LMO7: variants seen among roughly 807,000 people sequenced by gnomAD.
The protein encoded by LMO7 is LIM domain only protein 7.
In LMO7, 120 loss-of-function variants were observed where a neutral mutation model predicts 206.5. The observed-to-expected ratio is 0.58, with a 90% CI of 0.50 to 0.68. The LOEUF (loss-of-function observed/expected upper bound fraction) is 0.68. LMO7 is among the 30% of genes least tolerant of loss of function. The pLI, the probability that LMO7 is intolerant of heterozygous loss-of-function variation, is 0.00. For missense variants in LMO7, 1,959 were observed against 1,957.9 expected (o/e 1.00, Z -0.01); for synonymous variants, 706 against 681.5 (o/e 1.04, Z -0.56).
intron 29 of LMO7, among the ~76,000 whole-genome samples, chr13:75,855,627 T>A (rs1032811090): frequency 1.3e-5 from 2 of 152,250 alleles, no homozygotes; most frequent in African/African-American, 4.8e-5. Context: ...GTACATAAGT[T>A]GCTTTCTCTA....
intron 4 of LMO7, among the ~76,000 whole-genome samples, chr13:75,779,484 T>A (rs954918483): frequency 2.0e-5 from 3 of 152,214 alleles, no homozygotes; most frequent in Admixed American, 1.3e-4. Flanking sequence ...ACTTGAAAGT[T>A]AACTGAATGT....
At chr13:75,761,564 T>C (rs2048227202) in intron 4 of LMO7, among the ~76,000 whole-genome samples, 1 of 152,156 alleles carries the variant, frequency 6.6e-6, no homozygotes, top group Non-Finnish European at 1.5e-5. Flanking sequence ...TGAGCTGTTT[T>C]TCACGATTTT....
intron 4 of LMO7, among the ~76,000 whole-genome samples, chr13:75,779,283 C>T (rs1273333941): frequency 1.3e-5 from 2 of 152,056 alleles, no homozygotes; most frequent in Admixed American, 1.3e-4. Flanking sequence ...TGAGAAGTTT[C>T]CTGGGAAGTA....
intron 1 of LMO7, among the ~76,000 whole-genome samples, chr13:75,701,869 G>A (rs2137913745): frequency 1.3e-5 from 2 of 152,204 alleles, no homozygotes. Context: ...ATAGGACTCA[G>A]GTTGTCTTGG....
At chr13:75,764,309 C>G (rs866611308) in intron 4 of LMO7, among the ~76,000 whole-genome samples, 1 of 152,084 alleles carries the variant, frequency 6.6e-6, no homozygotes, top group Admixed American at 6.6e-5. Context: ...CATTCTTAAC[C>G]ATTTACTAAA....
intron 4 of LMO7, among the ~76,000 whole-genome samples, chr13:75,787,266 AT>A (rs772044441): frequency 2.0e-5 from 3 of 152,210 alleles, no homozygotes; most frequent in Non-Finnish European, 4.4e-5. Context: ...GCTTTACGTA[AT>A]AACAAGCATT....
At chr13:75,771,783 A>G (rs1190351922) in intron 4 of LMO7, among the ~76,000 whole-genome samples, 4 of 152,110 alleles carry the variant, frequency 2.6e-5, no homozygotes, top group Non-Finnish European at 2.9e-5. Context: ...ATTAAATTTT[A>G]TACAAATAAT....
At chr13:75,621,786 A>G (rs1205845914) in exon 1 of LMO7, 3 of 1,613,462 alleles carry the variant, frequency 1.9e-6, no homozygotes, top group Non-Finnish European at 2.5e-6. Flanking sequence ...GAGCTCTGGA[A>G]ATTTGGAGGC....
At chr13:75,707,036 G>A (rs1299998788) in intron 1 of LMO7, among the ~76,000 whole-genome samples, 2 of 152,018 alleles carry the variant, frequency 1.3e-5, no homozygotes, top group African/African-American at 2.4e-5. Context: ...ACAAAAACTG[G>A]TGTCAGCCTC....
chr13:75,836,896 T>C (rs1354190346), intron 19 of LMO7, among the ~76,000 whole-genome samples: 1 of 152,198 alleles, frequency 6.6e-6, no homozygotes, highest in Non-Finnish European at 1.5e-5. Flanking sequence ...CATTAGCAGA[T>C]GTACCCATTT....
intron 1 of LMO7, among the ~76,000 whole-genome samples, chr13:75,699,251 A>G (rs1216071763): frequency 1.3e-5 from 2 of 152,168 alleles, no homozygotes; most frequent in African/African-American, 2.4e-5. Flanking sequence ...CAATCAGAAC[A>G]TATTTCTGTT....
At chr13:75,835,058 G>T in intron 17 of LMO7, 175 bp from the exon 18 acceptor site, 1 of 717,078 alleles carries the variant, frequency 1.4e-6, no homozygotes, top group East Asian at 3.3e-5. Flanking sequence ...TCTTGTATAT[G>T]TAGATTTTTT....
At chr13:75,715,682 A>G (rs2043477511) in intron 2 of LMO7, among the ~76,000 whole-genome samples, 1 of 152,264 alleles carries the variant, frequency 6.6e-6, no homozygotes, top group African/African-American at 2.4e-5. Flanking sequence ...TGATGACGAC[A>G]CATTCATCTA....
In LMO7 at chr13:75,755,721, T is replaced by C. The variant is rs150822490; in HGVS notation, c.211-5211T>C. On this transcript the variant is annotated intron_variant, in intron 3 of 30. Transcript: ENST00000377534. ...TTTGACTGGTCTGTATTCTTTATTA[T>C]TAAAATCTTGTGGTAGCCAGCTTCC... Among the ~76,000 whole-genome samples the C allele has an allele frequency of 3.1e-3, 478 of 152,350 alleles. 5 individuals carry two copies. The highest frequency in any genetic ancestry group is 0.011 in the African/African-American group (451 of 41,592).
chr13:75,728,451 G>A (rs1456369371), intron 3 of LMO7, among the ~76,000 whole-genome samples: 13 of 145,556 alleles, frequency 8.9e-5, no homozygotes, highest in African/African-American at 2.1e-4. Flanking sequence ...CATGTCCTTC[G>A]CCCACTTTTT....
chr13:75,833,281 C>G (rs1194930946), intron 16 of LMO7, 116 bp downstream of exon 16: 2 of 668,964 alleles, frequency 3.0e-6, no homozygotes, highest in East Asian at 2.7e-5. Flanking sequence ...GTGAAAAATG[C>G]AACCATAAGG....
chr13:75,817,844 A>G (rs1338640077), intron 12 of LMO7, among the ~76,000 whole-genome samples: 2 of 152,226 alleles, frequency 1.3e-5, no homozygotes, highest in Non-Finnish European at 2.9e-5. Context: ...ACATAGATAT[A>G]GACTTACTCT....
intron 1 of LMO7, among the ~76,000 whole-genome samples, chr13:75,656,043 A>T (rs1385335627): frequency 6.6e-6 from 1 of 152,078 alleles, no homozygotes; most frequent in Non-Finnish European, 1.5e-5. Context: ...CTTCAGGAAA[A>T]CATCTCTACC....
intron 3 of LMO7, among the ~76,000 whole-genome samples, chr13:75,730,375 G>C (rs9565195): frequency 0.44 from 66,633 of 151,928 alleles, 14,958 homozygotes; most frequent in East Asian, 0.61. Context: ...ATGTGTCCAG[G>C]AATTTATCCA....
Sources: allele counts gnomAD v4.1 joint callset (sites outside exome capture counted in the v4.1 genomes callset), GRCh38; gene constraint gnomAD v4.1.1; transcripts MANE v1.5; gene names NCBI Gene and HGNC (gene_info 2026-07-23, HGNC 2026-07-21).